Variants in KLF12 observed in about 807,000 individuals in gnomAD.
The protein encoded by KLF12 is Krueppel-like factor 12.
A neutral mutation model predicts 37.8 loss-of-function variants in KLF12; 9 were observed. The observed-to-expected ratio is 0.24, with a 90% CI of 0.14 to 0.42. The LOEUF (loss-of-function observed/expected upper bound fraction) is 0.42, where lower values mean the gene tolerates loss of function less well. KLF12 is among the 10% of genes least tolerant of loss of function. The probability of loss-of-function intolerance (pLI) is 1.00; values close to 1 mark genes in which losing one functional copy is unlikely to be tolerated. For missense variants in KLF12, 411 were observed against 516.0 expected (o/e 0.80, Z 1.97); for synonymous variants, 208 against 202.1 (o/e 1.03, Z -0.25).
chr13:73,950,865 A>T (rs1297194557), intron 2 of KLF12, among the ~76,000 whole-genome samples: 1 of 152,200 alleles, frequency 6.6e-6, no homozygotes, highest in African/African-American at 2.4e-5. Context: ...CCTTTCTGGG[A>T]GATGAGGCTA....
At chr13:74,278,640 G>A in the KLF12 span, among the ~76,000 whole-genome samples, 1 of 152,216 alleles carries the variant, frequency 6.6e-6, no homozygotes, top group East Asian at 1.9e-4. Context: ...ACCACATTGC[G>A]CTCCAATAGC....
At chr13:73,764,887 T>A (rs762422506) in intron 6 of KLF12, 51 bp downstream of exon 6, 3 of 1,034,186 alleles carry the variant, frequency 2.9e-6, no homozygotes, top group Non-Finnish European at 4.5e-6. Context: ...ATAAGCCCTA[T>A]TAAAGTTTCC....
the KLF12 span, among the ~76,000 whole-genome samples, chr13:74,283,171 C>G: frequency 6.6e-6 from 1 of 152,190 alleles, no homozygotes; most frequent in Non-Finnish European, 1.5e-5. Context: ...ACCGAAGAGT[C>G]TTTTCTGAGC....
intron 1 of KLF12, among the ~76,000 whole-genome samples, chr13:74,073,508 C>A (rs1190450343): frequency 6.6e-6 from 1 of 152,136 alleles, no homozygotes; most frequent in Non-Finnish European, 1.5e-5. Flanking sequence ...ATGCTTGTTT[C>A]TTTGAGTTCA....
At chr13:74,133,451 TG>T (rs933599815) in intron 1 of KLF12, among the ~76,000 whole-genome samples, 1 of 151,420 alleles carries the variant, frequency 6.6e-6, no homozygotes, top group African/African-American at 2.4e-5. Flanking sequence ...TAACTTCTTC[TG>T]GAAAAAAAAA....
At chr13:74,269,827 C>T in the KLF12 span, among the ~76,000 whole-genome samples, 5 of 152,162 alleles carry the variant, frequency 3.3e-5, no homozygotes, top group South Asian at 2.1e-4. Context: ...GATAATGAGC[C>T]GCTCATGCCA....
the KLF12 span, among the ~76,000 whole-genome samples, chr13:74,211,204 C>A: frequency 6.6e-6 from 1 of 152,144 alleles, no homozygotes; most frequent in East Asian, 1.9e-4. Context: ...CTCTGAATTT[C>A]TACATTTAGC....
At chr13:73,926,428 A>C in intron 3 of KLF12, among the ~76,000 whole-genome samples, 1 of 152,216 alleles carries the variant, frequency 6.6e-6, no homozygotes, top group African/African-American at 2.4e-5. Flanking sequence ...TTGTTTTTAG[A>C]TGTAATGGTC....
At chr13:73,761,116 TTTCAATTAA>T (rs1879519743) in intron 6 of KLF12, among the ~76,000 whole-genome samples, 1 of 145,258 alleles carries the variant, frequency 6.9e-6, no homozygotes, top group African/African-American at 2.6e-5. Flanking sequence ...GATATAATCA[TTTCAATTAA>T]AAAGATCTGC....
At chr13:73,750,015 T>G (rs1878635060) in intron 6 of KLF12, among the ~76,000 whole-genome samples, 1 of 152,042 alleles carries the variant, frequency 6.6e-6, no homozygotes, top group African/African-American at 2.4e-5. Flanking sequence ...AATTAGAGAG[T>G]GACAGAACAG....
chr13:73,931,135 G>A (rs1889657065), intron 3 of KLF12, among the ~76,000 whole-genome samples: 2 of 152,242 alleles, frequency 1.3e-5, no homozygotes, highest in African/African-American at 4.8e-5. Flanking sequence ...TGGCATTACA[G>A]GCATGAGCCA....
In KLF12 at chr13:74,069,133, G is replaced by A. The variant is rs1357273721; in HGVS notation, c.-32+64606C>T. 3.3e-5 allele frequency among the ~76,000 whole-genome samples: 5 copies of A among 152,160 alleles called. No individual in the cohort carries two copies. The East Asian group carries it at 7.7e-4, about 23-fold the overall frequency. On this transcript the variant is annotated intron_variant, in intron 1 of 7. Transcript: ENST00000377669. ...CATACTAAGCATTGTAAGCAAAGGT[G>A]ACCCCTGAATTACACAGGTTTGAAC...
intron 5 of KLF12, among the ~76,000 whole-genome samples, chr13:73,772,881 C>A (rs748328909): frequency 2.3e-5 from 3 of 129,578 alleles, no homozygotes; most frequent in African/African-American, 7.5e-5. Flanking sequence ...GACGGTGGGT[C>A]GAGGGAGGAG....
rs1210160559 is a variant in KLF12, at chr13:74,133,909, T to G, written c.-202A>C. On this transcript the variant is annotated 5_prime_UTR_variant, in exon 1 of 8. Coordinates refer to ENST00000377669, the MANE Select transcript of KLF12 (RefSeq NM_007249.5). ...CACGCAGAGCCTCTCAGCGGCTCTCTGCAGTTCTCAGGAAATGAATGGGGG... is the reference window on the plus strand; with the variant it reads ...CACGCAGAGCCTCTCAGCGGCTCTCGGCAGTTCTCAGGAAATGAATGGGGG... Among the ~76,000 whole-genome samples the G allele has an allele frequency of 6.6e-6, 1 of 152,042 alleles. No individual in the cohort carries two copies. The highest frequency in any genetic ancestry group is 1.9e-4 in the East Asian group (1 of 5,172).
intron 1 of KLF12, among the ~76,000 whole-genome samples, chr13:73,997,747 G>A (rs1021375085): frequency 3.3e-5 from 5 of 152,150 alleles, no homozygotes; most frequent in African/African-American, 7.2e-5. Flanking sequence ...TGCTCATGAC[G>A]CATGGTTTTG....
chr13:74,147,229 T>A, the KLF12 span, among the ~76,000 whole-genome samples: 11 of 152,016 alleles, frequency 7.2e-5, no homozygotes, highest in African/African-American at 2.7e-4. Context: ...GGACTAGTAC[T>A]GACTGCAAGA....
At chr13:74,261,107 C>T in the KLF12 span, among the ~76,000 whole-genome samples, 147 of 152,094 alleles carry the variant, frequency 9.7e-4, no homozygotes, top group Non-Finnish European at 1.8e-3. Context: ...AACCAAACAC[C>T]AGCTGTTCTC....
chr13:74,183,203 A>G, the KLF12 span, among the ~76,000 whole-genome samples: 1 of 152,168 alleles, frequency 6.6e-6, no homozygotes, highest in Non-Finnish European at 1.5e-5. Flanking sequence ...AAAGATGAAT[A>G]TGACATATGG....
At chr13:74,190,139 T>C in the KLF12 span, among the ~76,000 whole-genome samples, 106 of 152,186 alleles carry the variant, frequency 7.0e-4, no homozygotes, top group Non-Finnish European at 2.9e-5. Flanking sequence ...GTATGTACAT[T>C]AGTAATTTCA....
Sources: allele counts gnomAD v4.1 joint callset (sites outside exome capture counted in the v4.1 genomes callset), GRCh38; gene constraint gnomAD v4.1.1; transcripts MANE v1.5; gene names NCBI Gene and HGNC (gene_info 2026-07-23, HGNC 2026-07-21).